The following PLCB1 variants were observed in gnomAD, a reference collection of about 807,000 sequenced individuals.
The protein encoded by PLCB1 is phospholipase C beta 1.
A neutral mutation model predicts 161.8 loss-of-function variants in PLCB1; 46 were observed. The observed-to-expected ratio is 0.28, with a 90% CI of 0.22 to 0.36. PLCB1 has a LOEUF of 0.36. Among genes scored for constraint, PLCB1 ranks in the 10% least tolerant of loss-of-function variants. The pLI, the probability that PLCB1 is intolerant of heterozygous loss-of-function variation, is 1.00. For synonymous variants in PLCB1, 517 were observed against 503.7 expected (o/e 1.03, Z -0.35); for missense variants, 1,016 against 1,472.5 (o/e 0.69, Z 5.07).
chr20:8,293,619 T>A (rs986269179), intron 2 of PLCB1, among the ~76,000 whole-genome samples: 6 of 152,016 alleles, frequency 3.9e-5, no homozygotes, highest in Admixed American at 2.0e-4. Flanking sequence ...AGCAGTTTTT[T>A]TTTTAGCATT....
At chr20:8,879,221 G>GTTGA (rs1381954354) in intron 31 of PLCB1, among the ~76,000 whole-genome samples, 15 of 151,214 alleles carry the variant, frequency 9.9e-5, no homozygotes, top group African/African-American at 3.6e-4. Context: ...GGGCACCTAG[G>GTTGA]TTGATTGAAT....
At chr20:8,187,723 A>G (rs60459768) in intron 2 of PLCB1, among the ~76,000 whole-genome samples, 3,010 of 152,120 alleles carry the variant, frequency 0.02, 100 homozygotes, top group African/African-American at 0.066. Context: ...TGAATGATAA[A>G]TTTTTATGAT....
At chr20:8,487,456 C>G (rs1435862379) in intron 3 of PLCB1, among the ~76,000 whole-genome samples, 2 of 152,110 alleles carry the variant, frequency 1.3e-5, no homozygotes, top group African/African-American at 4.8e-5. Flanking sequence ...GGGATTCATC[C>G]AGGTGACCAG....
At chr20:8,511,149 AC>A (rs1459458097) in intron 3 of PLCB1, among the ~76,000 whole-genome samples, 1 of 151,994 alleles carries the variant, frequency 6.6e-6, no homozygotes, top group Non-Finnish European at 1.5e-5. Flanking sequence ...GCCTCTGGTA[AC>A]CACCATTCTA....
intron 9 of PLCB1, among the ~76,000 whole-genome samples, chr20:8,676,432 AAG>A (rs374046422): frequency 6.1e-5 from 9 of 148,136 alleles, no homozygotes; most frequent in African/African-American, 2.1e-4. Flanking sequence ...GAAAGAAAGA[AAG>A]AGAGAAAGAG....
intron 7 of PLCB1, among the ~76,000 whole-genome samples, chr20:8,651,241 A>C (rs983573239): frequency 6.6e-6 from 1 of 152,228 alleles, no homozygotes; most frequent in African/African-American, 2.4e-5. Flanking sequence ...ATAAGTTTGC[A>C]AAGCCATTCT....
chr20:8,830,684 T>G (rs1369443054), intron 31 of PLCB1, among the ~76,000 whole-genome samples: 1 of 152,224 alleles, frequency 6.6e-6, no homozygotes, highest in African/African-American at 2.4e-5. Context: ...CAGTTTTTTT[T>G]TTAATTTAAG....
intron 2 of PLCB1, among the ~76,000 whole-genome samples, chr20:8,349,374 C>T (rs959275814): frequency 2.0e-5 from 3 of 152,146 alleles, no homozygotes; most frequent in African/African-American, 4.8e-5. Flanking sequence ...CTTTTGCTAG[C>T]GTTCATGTAT....
rs3803945 is a variant in PLCB1 at position 8,789,228 on chromosome 20, G to A, written c.3279-290G>A. Among the ~76,000 whole-genome samples, 38,207 of 152,028 alleles carry A rather than the reference G, an allele frequency of 0.25. 5,324 individuals are homozygous for A. The highest frequency in any genetic ancestry group is 0.35 in the South Asian group (1,695 of 4,810). ...CTCTGTCTCTACAAAAAAATTTTAA[G>A]ATTAGCTGGGTGTGGTGGTGCACAC... On this transcript the variant is annotated intron_variant, in intron 29 of 31. Coordinates refer to ENST00000338037, the MANE Select transcript of PLCB1 (RefSeq NM_015192.4).
At chr20:8,496,360 A>T (rs1338995410) in intron 3 of PLCB1, among the ~76,000 whole-genome samples, 2 of 151,160 alleles carry the variant, frequency 1.3e-5, no homozygotes, top group Admixed American at 1.3e-4. Context: ...TACAAAAATT[A>T]GCCAGGCAGG....
chr20:8,431,947 G>T (rs1980062255), intron 3 of PLCB1, among the ~76,000 whole-genome samples: 1 of 151,806 alleles, frequency 6.6e-6, no homozygotes, highest in South Asian at 2.1e-4. Context: ...TGCTGGCAAG[G>T]TAGGTTTCAG....
chr20:8,287,739 G>A (rs949890905), intron 2 of PLCB1, among the ~76,000 whole-genome samples: 3 of 152,192 alleles, frequency 2.0e-5, no homozygotes, highest in Non-Finnish European at 2.9e-5. Flanking sequence ...GGAATTTATG[G>A]CATTTACATG....
chr20:8,262,248 CTT>C (rs10718370), intron 2 of PLCB1, among the ~76,000 whole-genome samples: 4 of 148,438 alleles, frequency 2.7e-5, no homozygotes, highest in Admixed American at 6.8e-5. Context: ...CGCCAGGCTA[CTT>C]TTTTTTTTTA....
chr20:8,314,339 C>T (rs1984539762), intron 2 of PLCB1, among the ~76,000 whole-genome samples: 1 of 152,068 alleles, frequency 6.6e-6, no homozygotes, highest in African/African-American at 2.4e-5. Flanking sequence ...CTTCTAAGCT[C>T]AGTGGAGAAA....
At chr20:8,386,016 T>A (rs1242717229) in intron 3 of PLCB1, among the ~76,000 whole-genome samples, 2 of 152,220 alleles carry the variant, frequency 1.3e-5, no homozygotes, top group Non-Finnish European at 2.9e-5. Context: ...AGTCACACCT[T>A]TAGGTTCTAA....
At chr20:8,798,845 G>A (rs150753201) in intron 31 of PLCB1, among the ~76,000 whole-genome samples, 4 of 152,212 alleles carry the variant, frequency 2.6e-5, no homozygotes, top group African/African-American at 4.8e-5. Flanking sequence ...GAGACAGTTG[G>A]CACAATAAGA....
At chr20:8,496,386 C>T (rs1191384693) in intron 3 of PLCB1, among the ~76,000 whole-genome samples, 1 of 151,708 alleles carries the variant, frequency 6.6e-6, no homozygotes. Context: ...CGCCTGTAGT[C>T]CCAGCTACTC....
intron 31 of PLCB1, 103 bp downstream of exon 31, chr20:8,790,364 A>G (rs1983695519): frequency 2.5e-6 from 2 of 799,914 alleles, no homozygotes; most frequent in Admixed American, 5.1e-5. Flanking sequence ...ACAGTCTCAG[A>G]TCAGTTCTTG....
chr20:8,267,285 A>G (rs1452544818), intron 2 of PLCB1, among the ~76,000 whole-genome samples: 2 of 152,086 alleles, frequency 1.3e-5, no homozygotes, highest in Non-Finnish European at 2.9e-5. Flanking sequence ...ATTAGCCCCC[A>G]ACTGAGTCCT....
Sources: gnomAD v4.1 joint callset for allele counts (sites outside exome capture counted in the v4.1 genomes callset) on GRCh38, gnomAD v4.1.1 for gene constraint, MANE v1.5 for transcripts, NCBI Gene and HGNC (gene_info 2026-07-23, HGNC 2026-07-21) for gene names.